Variants in XPC observed in about 807,000 individuals in gnomAD.
The protein encoded by XPC is XPC complex subunit, DNA damage recognition and repair factor, also known as DNA repair protein complementing XP-C cells.
Under a neutral mutation model 95.8 loss-of-function variants are expected in XPC, and 76 were observed. That is an observed-to-expected ratio of 0.79 (90% CI 0.66 to 0.96). The LOEUF is 0.96. XPC is among the 40% of genes least tolerant of loss of function. The pLI is 0.00. For missense variants in XPC, 1,146 were observed against 1,179.8 expected (o/e 0.97, Z 0.42); for synonymous variants, 442 against 442.1 (o/e 1.00, Z 0.00).
chr3:14,176,947 A>C (rs1338971443), intron 1 of XPC, among the ~76,000 whole-genome samples: 2 of 152,246 alleles, frequency 1.3e-5, no homozygotes, highest in East Asian at 3.8e-4. Flanking sequence ...CAAAAATACA[A>C]AAATTAGCCG....
At chr3:14,176,778 C>T (rs540674642) in intron 1 of XPC, among the ~76,000 whole-genome samples, 7 of 152,324 alleles carry the variant, frequency 4.6e-5, no homozygotes, top group African/African-American at 1.7e-4. Context: ...CCAGAAATTC[C>T]TTCTACAGCC....
In XPC at chr3:14,145,293, G is replaced by A. The variant is rs1015682387; in HGVS notation, c.*648C>T. On this transcript the variant is annotated 3_prime_UTR_variant, in exon 16 of 16. Coordinates refer to ENST00000285021, the MANE Select transcript of XPC (RefSeq NM_004628.5). ...CTAACATTTCCTTAATTTTCAATTC[G>A]TATTTTTCCTTTTCTTTCCTGATTT... is the stretch of plus-strand genomic sequence containing the variant. 41 of 697,428 alleles carry A rather than the reference G, an allele frequency of 5.9e-5. No homozygotes were observed. Among genetic ancestry groups the A allele is most frequent in the Middle Eastern group, 7.4e-4 (2 of 2,714 alleles). The allele number at this position is 697,428 out of a possible 1,614,324, so 43.2% of individuals were successfully genotyped here.
At chr3:14,171,474 A>G (rs1696610064) in intron 2 of XPC, among the ~76,000 whole-genome samples, 1 of 152,196 alleles carries the variant, frequency 6.6e-6, no homozygotes, top group African/African-American at 2.4e-5. Flanking sequence ...ATCTCTATGT[A>G]TATGTCTCTG....
chr3:14,169,046 T>C (rs937971572), intron 3 of XPC, among the ~76,000 whole-genome samples: 1 of 152,242 alleles, frequency 6.6e-6, no homozygotes, highest in Non-Finnish European at 1.5e-5. Context: ...TCTTGGTCTC[T>C]ATACATGAAT....
intron 3 of XPC, among the ~76,000 whole-genome samples, chr3:14,169,945 A>G (rs1284998369): frequency 6.6e-6 from 1 of 152,250 alleles, no homozygotes; most frequent in Non-Finnish European, 1.5e-5. Flanking sequence ...AGTGTATGAT[A>G]CATTAGGCCC....
intron 1 of XPC, among the ~76,000 whole-genome samples, chr3:14,174,400 G>C (rs951213582): frequency 2.0e-5 from 3 of 152,082 alleles, no homozygotes; most frequent in Non-Finnish European, 2.9e-5. Flanking sequence ...TCTAATAATA[G>C]GCAAAGATGC....
chr3:14,164,979 G>A, intron 6 of XPC, 46 bp from the exon 7 acceptor site: 2 of 1,565,932 alleles, frequency 1.3e-6, no homozygotes, highest in East Asian at 2.3e-5. Flanking sequence ...CAGGGCAAAG[G>A]GGAATTTTCA....
Position 14,145,183 on chromosome 3 carries a change from T to C in XPC, c.*758A>G, listed in dbSNP as rs1251182818. On this transcript the variant is annotated 3_prime_UTR_variant, in exon 16 of 16. Transcript: ENST00000285021. ...GCTTTATTATTTTCTCAAAATGTTATAAAAGTCATTTCTCCTTAGTACAGA... is the reference window on the plus strand; with the variant it reads ...GCTTTATTATTTTCTCAAAATGTTACAAAAGTCATTTCTCCTTAGTACAGA... The C allele has an allele frequency of 1.7e-5, 9 of 524,350 alleles. No individual in the cohort carries two copies. The highest frequency in any genetic ancestry group is 2.7e-5 in the Non-Finnish European group (8 of 296,348). 32.5% of individuals were successfully genotyped at this position (524,350 alleles called of 1,614,324 possible).
Position 14,156,359 on chromosome 3 carries a change from C to T in XPC, c.2009G>A (p.Cys670Tyr). Residue 670 changes from cysteine to tyrosine, a missense_variant, in exon 10 of 16, where the codon TGT becomes TAT. Coordinates refer to ENST00000285021, the MANE Select transcript of XPC (RefSeq NM_004628.5). ...CCTGGAGTAGACCGCTTCTCCACGA[C>T]AATACCCAAGGATGGCAGCTGTCTC... is the stretch of plus-strand genomic sequence containing the variant. ...YPETAAILGY[C>Y]RGEAVYSRDC... 4 of 1,613,842 alleles carry T rather than the reference C, an allele frequency of 2.5e-6. No individual in the cohort carries two copies. Among genetic ancestry groups the T allele is most frequent in the Non-Finnish European group, 3.4e-6 (4 of 1,179,824 alleles).
At position 14,158,794 on chromosome 3, in the gene XPC, G is replaced by C; in HGVS notation, c.1089C>G (p.Ser363Arg). The change falls in exon 9 of 16, where the codon AGC (serine) becomes AGG (arginine). Residue 363 changes from serine to arginine, a missense_variant. Transcript: ENST00000285021. This position sits in a 1 kb window ranked among gnomAD's most constrained non-coding sequence, Gnocchi z 5.2. ...VLENHTKPKT[S>R]KGTKQEETFA... ...AGGTTTCCTCTTGTTTGGTTCCTTT[G>C]CTGGTCTTTGGTTTGGTGTGGTTTT... 2 of 1,613,914 alleles carry C rather than the reference G, an allele frequency of 1.2e-6. No individual in the cohort carries two copies. The highest frequency in any genetic ancestry group is 1.7e-6 in the Non-Finnish European group (2 of 1,179,884).
chr3:14,156,237 G>C, intron 10 of XPC, 98 bp downstream of exon 10: 1 of 1,457,108 alleles, frequency 6.9e-7, no homozygotes. Flanking sequence ...ATGCTGTCCA[G>C]TCAGATGAGC....
rs772943777 is a variant in XPC at position 14,145,975 on chromosome 3, G to C, written c.2789C>G (p.Ala930Gly). Residue 930 changes from alanine (A) to glycine (G), a missense_variant, in exon 16 of 16, where the codon GCA becomes GGA. By Grantham distance (60) the Ala-to-Gly change is moderately conservative (BLOSUM62 0). Transcript: ENST00000285021. ...CTCAAATGGGAACAGGTGGGAAGCT[G>C]CTGCTTTCTTTTCCCTTTTGGTCTT... ...PKKTKREKKA[A>G]ASHLFPFEQL 2 of 1,608,508 alleles carry C rather than the reference G, an allele frequency of 1.2e-6. No individual in the cohort carries two copies. Among genetic ancestry groups the C allele is most frequent in the East Asian group, 4.5e-5 (2 of 44,710 alleles).
intron 7 of XPC, among the ~76,000 whole-genome samples, chr3:14,161,579 C>A (rs550721864): frequency 1.4e-5 from 2 of 145,874 alleles, no homozygotes; most frequent in Admixed American, 1.4e-4. Flanking sequence ...AGGATCATTT[C>A]AACTGACAAA....
chr3:14,178,381 C>A, intron 1 of XPC, 85 bp downstream of exon 1: 1 of 1,442,436 alleles, frequency 6.9e-7, no homozygotes, highest in Non-Finnish European at 9.1e-7. Flanking sequence ...CACCAGGCCT[C>A]CGCGTCTGGA....
At chr3:14,154,278 CT>C (rs1695813489) in intron 10 of XPC, among the ~76,000 whole-genome samples, 1 of 152,098 alleles carries the variant, frequency 6.6e-6, no homozygotes, top group Non-Finnish European at 1.5e-5. Context: ...AGTAATTGTA[CT>C]GGGTATATGC....
At position 14,152,340 on chromosome 3, in the gene XPC, A is replaced by G. The variant is rs746986600; in HGVS notation, c.2110T>C (p.Tyr704His). 4 of 1,612,718 alleles carry G rather than the reference A, an allele frequency of 2.5e-6. No homozygotes were observed. Among genetic ancestry groups the G allele is most frequent in the African/African-American group, 1.3e-5 (1 of 74,954 alleles). The change falls in exon 11 of 16, where the codon TAC (tyrosine) becomes CAC (histidine). Residue 704 changes from tyrosine (Y) to histidine (H), a missense_variant. Tyr to His is a moderately conservative substitution (Grantham distance 83). Transcript: ENST00000285021. Reference protein sequence around the residue: ...ARVVRLGEVPYKMVKGFSNRA... With the variant: ...ARVVRLGEVPHKMVKGFSNRA... ...GACCCCCCAGCTCCAGTTACCTTGTAGGGTACTTCTCCAAGCCTCACCACT... is the reference window on the plus strand; with the variant it reads ...GACCCCCCAGCTCCAGTTACCTTGTGGGGTACTTCTCCAAGCCTCACCACT...
intron 2 of XPC, among the ~76,000 whole-genome samples, chr3:14,171,115 T>C (rs1418358540): frequency 6.6e-6 from 1 of 152,212 alleles, no homozygotes; most frequent in Non-Finnish European, 1.5e-5. Context: ...CATAGATAAG[T>C]AGCTGGCTAA....
intron 2 of XPC, 197 bp from the exon 3 acceptor site, chr3:14,170,747 C>G: frequency 2.3e-6 from 1 of 435,038 alleles, no homozygotes; most frequent in Non-Finnish European, 4.1e-6. Context: ...CTCTGATCAT[C>G]TGTCTAATTA....
At chr3:14,159,686 G>T in intron 8 of XPC, 55 bp downstream of exon 8, 1 of 1,471,276 alleles carries the variant, frequency 6.8e-7, no homozygotes, top group Non-Finnish European at 9.3e-7. Flanking sequence ...ATTTTTTTAA[G>T]TGTGACAATT....
Sources: allele counts gnomAD v4.1 joint callset (sites outside exome capture counted in the v4.1 genomes callset), GRCh38; gene constraint gnomAD v4.1.1; non-coding constraint Gnocchi (gnomAD v3.1); transcripts MANE v1.5; gene names NCBI Gene and HGNC (gene_info 2026-07-23, HGNC 2026-07-21).